The following ALDH7A1 variants were observed in gnomAD, a reference collection of about 807,000 sequenced individuals.
ALDH7A1 encodes aldehyde dehydrogenase 7 family member A1, also known as alpha-aminoadipic semialdehyde dehydrogenase.
ALDH7A1 carries 63 observed loss-of-function variants against 79.9 expected under a neutral mutation model. The observed-to-expected ratio is 0.79, with a 90% CI of 0.64 to 0.97. The LOEUF (loss-of-function observed/expected upper bound fraction) is 0.97, where lower values mean the gene tolerates loss of function less well. Among genes scored for constraint, ALDH7A1 ranks in the 50% least tolerant of loss-of-function variants. ALDH7A1 has a pLI of 0.00. For synonymous variants in ALDH7A1, 240 were observed against 231.2 expected, an observed-to-expected ratio of 1.04 and a Z score of -0.34; for missense variants, 627 against 665.2, an observed-to-expected ratio of 0.94 and a Z score of 0.63.
rs140306565 is a variant in ALDH7A1 at position 126,553,766 on chromosome 5, C to T, written c.1200+521G>A. ...GGAAGAGGGTGCAGTGAGCTGAGAT[C>T]GTGCACCACTGCACTCCAGCCTAGG... is the stretch of plus-strand genomic sequence containing the variant. On this transcript the variant is annotated intron_variant, in intron 13 of 17. Coordinates refer to ENST00000409134, the MANE Select transcript of ALDH7A1 (RefSeq NM_001182.5). Among the ~76,000 whole-genome samples the T allele has an allele frequency of 4.9e-3, 738 of 151,838 alleles. 3 individuals carry two copies. Among genetic ancestry groups the T allele is most frequent in the South Asian group, 0.016 (79 of 4,800 alleles).
chr5:126,559,126 A>G lies in ALDH7A1; in HGVS notation c.1008+114T>C, dbSNP rs943818050. 20 of 836,032 alleles carry G rather than the reference A, an allele frequency of 2.4e-5. No homozygotes were observed. In the East Asian group the frequency reaches 4.8e-4, roughly 20 times the overall value. 51.8% of individuals were successfully genotyped at this position (836,032 alleles called of 1,614,324 possible). On this transcript the variant is annotated intron_variant, in intron 11 of 17. Transcript: ENST00000409134. ...GAACTGGACCACATATTTGCCAGCC[A>G]CATCTAGAGAGCATGTTGTTCTAGC...
Position 126,583,306 on chromosome 5 carries a change from C to A in ALDH7A1, c.394-332G>T, listed in dbSNP as rs552918715. Among the ~76,000 whole-genome samples, 993 of 151,586 alleles carry A rather than the reference C, an allele frequency of 6.6e-3. 10 individuals carry two copies. Among genetic ancestry groups the A allele is most frequent in the African/African-American group, 0.023 (953 of 41,310 alleles). On this transcript the variant is annotated intron_variant, in intron 4 of 17. Coordinates refer to ENST00000409134, the MANE Select transcript of ALDH7A1 (RefSeq NM_001182.5). ...GACCAGCCTGGCCAACATGGTGAAA[C>A]TTTGTCTCTACTAAAAATACAAAAA...
rs1749702972 is a variant in ALDH7A1 at position 126,544,004 on chromosome 5, T to G, written c.*961A>C. ...TTTTTTGTAGACAGGATCTCACTGTTGCCCAGGCAGTGGCACAATCTAGGC... is the reference window on the plus strand; with the variant it reads ...TTTTTTGTAGACAGGATCTCACTGTGGCCCAGGCAGTGGCACAATCTAGGC... On this transcript the variant is annotated 3_prime_UTR_variant, in exon 18 of 18. Coordinates refer to ENST00000409134, the MANE Select transcript of ALDH7A1 (RefSeq NM_001182.5). The G allele has an allele frequency of 6.7e-6, 1 of 149,450 alleles. No homozygotes were observed. The allele number at this position is 149,450 out of a possible 1,614,324, so 9.3% of individuals were successfully genotyped here.
rs147751238 is a variant in ALDH7A1 at position 126,553,911 on chromosome 5, C to T, written c.1200+376G>A. Among the ~76,000 whole-genome samples, 543 of 152,088 alleles carry T rather than the reference C, an allele frequency of 3.6e-3. 6 individuals carry two copies. Among genetic ancestry groups the T allele is most frequent in the African/African-American group, 0.012 (507 of 41,500 alleles). On this transcript the variant is annotated intron_variant, in intron 13 of 17. Coordinates refer to ENST00000409134, the MANE Select transcript of ALDH7A1 (RefSeq NM_001182.5). ...TCACTTGAGGCCAGGAGTTAGAGAC[C>T]AGCCTGGCTAACATGGGAAACCCCA...
At chr5:126,567,694 G>A (rs984494741) in intron 9 of ALDH7A1, 1 of 156,056 alleles carries the variant, frequency 6.4e-6, no homozygotes, top group Non-Finnish European at 1.4e-5. Context: ...GGCTGGTCTT[G>A]AGCTCCTGAC....
At chr5:126,576,633 A>G (rs1330565049) in intron 6 of ALDH7A1, among the ~76,000 whole-genome samples, 7 of 152,228 alleles carry the variant, frequency 4.6e-5, no homozygotes, top group Non-Finnish European at 1.5e-5. Flanking sequence ...GTTCACTACC[A>G]AAGTTTTATT....
chr5:126,544,983 T>G lies in ALDH7A1; in HGVS notation c.1602A>C (p.Gln534His). The G allele has an allele frequency of 1.2e-6, 2 of 1,610,942 alleles. No homozygotes were observed. Among genetic ancestry groups the G allele is most frequent in the Non-Finnish European group, 1.7e-6 (2 of 1,177,142 alleles). Residue 534 changes from glutamine to histidine, a missense_variant, in exon 18 of 18, where the codon CAA becomes CAC. Coordinates refer to ENST00000409134, the MANE Select transcript of ALDH7A1 (RefSeq NM_001182.5). Reference sequence around the variant, plus strand: ...AACACCTTTACTGAAACTTGATTCCTTGGGCCAGAGGAAGGTCTTTACTGT... The same window carrying G: ...AACACCTTTACTGAAACTTGATTCCGTGGGCCAGAGGAAGGTCTTTACTGT... ...INYSKDLPLA[Q>H]GIKFQ is the part of the protein sequence containing the mutation.
intron 16 of ALDH7A1, among the ~76,000 whole-genome samples, chr5:126,549,348 T>A (rs1749911277): frequency 6.6e-6 from 1 of 151,868 alleles, no homozygotes; most frequent in Admixed American, 6.6e-5. Context: ...CTTCTATATT[T>A]AAAAAAAACA....
At chr5:126,594,041 C>T in intron 1 of ALDH7A1, 1 of 344,864 alleles carries the variant, frequency 2.9e-6, no homozygotes, top group Admixed American at 3.7e-5. Context: ...AGTTTGTTAA[C>T]TGTTACATAA....
chr5:126,572,171 A>C (rs1284192426), intron 7 of ALDH7A1, among the ~76,000 whole-genome samples: 1 of 152,154 alleles, frequency 6.6e-6, no homozygotes, highest in Non-Finnish European at 1.5e-5. Flanking sequence ...AATTTGTTTA[A>C]ATTTCAAAAA....
intron 5 of ALDH7A1, chr5:126,582,167 G>A (rs953303328): frequency 2.5e-6 from 1 of 398,492 alleles, no homozygotes. Context: ...ATATAAAAAA[G>A]ACACACAAGA....
At chr5:126,573,590 C>A (rs55942866) in intron 7 of ALDH7A1, among the ~76,000 whole-genome samples, 1 of 151,084 alleles carries the variant, frequency 6.6e-6, no homozygotes, top group East Asian at 1.9e-4. Context: ...CCCAGCCACT[C>A]GGGAGGCTGA....
At chr5:126,561,595 T>C (rs565990450) in intron 9 of ALDH7A1, 2 of 152,776 alleles carry the variant, frequency 1.3e-5, no homozygotes, top group African/African-American at 4.8e-5. Context: ...AAGCAATTAG[T>C]GACTCTGATT....
At chr5:126,565,235 A>G (rs1317797485) in intron 9 of ALDH7A1, among the ~76,000 whole-genome samples, 1 of 152,028 alleles carries the variant, frequency 6.6e-6, no homozygotes, top group East Asian at 1.9e-4. Flanking sequence ...TCTACTAAAA[A>G]TACAAAAATT....
At chr5:126,548,440 CG>C (rs1255826694) in intron 16 of ALDH7A1, among the ~76,000 whole-genome samples, 5 of 104,904 alleles carry the variant, frequency 4.8e-5, no homozygotes, top group Non-Finnish European at 7.9e-5. Context: ...TTTTTTTTTG[CG>C]GGGGAAGACA....
At chr5:126,590,260 C>T (rs1293647770) in intron 3 of ALDH7A1, among the ~76,000 whole-genome samples, 2 of 152,192 alleles carry the variant, frequency 1.3e-5, no homozygotes, top group Non-Finnish European at 2.9e-5. Flanking sequence ...AAGTGAGGAG[C>T]CCCTCTGCCT....
At chr5:126,566,691 T>C (rs1257903645) in intron 9 of ALDH7A1, among the ~76,000 whole-genome samples, 3 of 152,134 alleles carry the variant, frequency 2.0e-5, no homozygotes, top group African/African-American at 7.2e-5. Flanking sequence ...AGGATCCATA[T>C]CCATGATCCA....
intron 9 of ALDH7A1, among the ~76,000 whole-genome samples, chr5:126,566,873 T>A (rs1750600942): frequency 6.6e-6 from 1 of 150,866 alleles, no homozygotes; most frequent in African/African-American, 2.4e-5. Context: ...TTTTTCTTCT[T>A]TAATTTGCCA....
At chr5:126,574,678 G>A (rs1327802392) in intron 7 of ALDH7A1, among the ~76,000 whole-genome samples, 1 of 151,160 alleles carries the variant, frequency 6.6e-6, no homozygotes, top group Admixed American at 6.6e-5. Context: ...CTGAGTGACA[G>A]AGCAAGACTC....
Sources: gnomAD v4.1 joint callset for allele counts (sites outside exome capture counted in the v4.1 genomes callset) on GRCh38, gnomAD v4.1.1 for gene constraint, MANE v1.5 for transcripts, NCBI Gene and HGNC (gene_info 2026-07-23, HGNC 2026-07-21) for gene names.